The following ZNG1E variants were observed in gnomAD, a reference collection of about 807,000 sequenced individuals.
ZNG1E encodes zinc-regulated GTPase metalloprotein activator 1E.
At chr9:65,702,278 A>G in the ZNG1E span, among the ~76,000 whole-genome samples, 1 of 151,960 alleles carries the variant, frequency 6.6e-6, no homozygotes. Context: ...TGAATTCATG[A>G]TAGAGAATTG....
At chr9:65,709,521 G>C in the ZNG1E span, among the ~76,000 whole-genome samples, 1 of 109,534 alleles carries the variant, frequency 9.1e-6, no homozygotes, top group African/African-American at 4.0e-5. Flanking sequence ...ACCCACAACA[G>C]TCCCCAGAGT....
At chr9:65,658,367 G>A in the ZNG1E span, among the ~76,000 whole-genome samples, 1 of 151,724 alleles carries the variant, frequency 6.6e-6, no homozygotes, top group Non-Finnish European at 1.5e-5. Flanking sequence ...ATAAATTTGA[G>A]CCAATCTCCC....
At chr9:65,659,090 G>A in the ZNG1E span, among the ~76,000 whole-genome samples, 652 of 151,944 alleles carry the variant, frequency 4.3e-3, 2 homozygotes, top group African/African-American at 0.015. Context: ...ATGTGTTTCC[G>A]TGCTCAGAAG....
chr9:65,668,512 CAT>C, the ZNG1E span, among the ~76,000 whole-genome samples: 86 of 149,442 alleles, frequency 5.8e-4, no homozygotes, highest in Middle Eastern at 3.6e-3. Flanking sequence ...CATACACACA[CAT>C]ATATATATAT....
At chr9:65,680,281 G>A in the ZNG1E span, among the ~76,000 whole-genome samples, 1 of 152,256 alleles carries the variant, frequency 6.6e-6, no homozygotes, top group Non-Finnish European at 1.5e-5. Context: ...TGGGAAGCCA[G>A]TTATATTCCA....
At chr9:65,724,702 C>T in the ZNG1E span, among the ~76,000 whole-genome samples, 3 of 86,910 alleles carry the variant, frequency 3.5e-5, no homozygotes, top group Non-Finnish European at 6.9e-5. Context: ...TTGTATTTTG[C>T]GACATTCTCA....
the ZNG1E span, among the ~76,000 whole-genome samples, chr9:65,678,589 A>G: frequency 2.0e-5 from 3 of 146,516 alleles, no homozygotes. Flanking sequence ...GAACTACAAT[A>G]CTATGCAGTT....
At chr9:65,680,552 GA>G in the ZNG1E span, among the ~76,000 whole-genome samples, 5 of 152,080 alleles carry the variant, frequency 3.3e-5, no homozygotes, top group Non-Finnish European at 5.9e-5. Flanking sequence ...AACCTCTTTA[GA>G]AGCTCTTTAT....
the ZNG1E span, among the ~76,000 whole-genome samples, chr9:65,686,434 A>G: frequency 6.6e-6 from 1 of 152,254 alleles, no homozygotes; most frequent in Non-Finnish European, 1.5e-5. Flanking sequence ...CAGGAGTTCA[A>G]GACCAGCCTG....
the ZNG1E span, among the ~76,000 whole-genome samples, chr9:65,660,429 A>G: frequency 2.0e-5 from 3 of 152,058 alleles, no homozygotes; most frequent in East Asian, 3.9e-4. Flanking sequence ...AGAGGATACT[A>G]TAAAGCTCAT....
At chr9:65,693,801 C>G in the ZNG1E span, among the ~76,000 whole-genome samples, 5 of 152,014 alleles carry the variant, frequency 3.3e-5, no homozygotes, top group East Asian at 9.7e-4. Context: ...AAGTGATCCA[C>G]TTGCCTCAGC....
chr9:65,684,435 C>A, the ZNG1E span, among the ~76,000 whole-genome samples: 111 of 152,248 alleles, frequency 7.3e-4, no homozygotes, highest in African/African-American at 2.6e-3. Context: ...ACTCAGGAGG[C>A]TAAGGCATGA....
At chr9:65,681,287 C>G in the ZNG1E span, among the ~76,000 whole-genome samples, 2 of 152,166 alleles carry the variant, frequency 1.3e-5, no homozygotes, top group Admixed American at 1.3e-4. Context: ...GAAAAAAATG[C>G]CTTCATTAAG....
chr9:65,673,638 C>T, the ZNG1E span, among the ~76,000 whole-genome samples: 2 of 152,088 alleles, frequency 1.3e-5, no homozygotes, highest in African/African-American at 4.8e-5. Flanking sequence ...CTGTCTCTAC[C>T]AAAAAGAAAA....
At chr9:65,708,432 C>A in the ZNG1E span, 2 of 209,090 alleles carry the variant, frequency 9.6e-6, no homozygotes, top group African/African-American at 5.2e-5. Context: ...AGATCAGGGT[C>A]CTAGAGTAAC....
chr9:65,699,170 GCC>G, the ZNG1E span, among the ~76,000 whole-genome samples: 1 of 150,064 alleles, frequency 6.7e-6, no homozygotes, highest in East Asian at 2.0e-4. Flanking sequence ...TGATCCACCC[GCC>G]TCGGCCTCCC....
chr9:65,716,664 TA>T, the ZNG1E span, among the ~76,000 whole-genome samples: 40 of 147,188 alleles, frequency 2.7e-4, no homozygotes, highest in African/African-American at 8.4e-4. Context: ...ATGTAGTTTG[TA>T]AAAAAAAAAA....
At chr9:65,665,031 T>G in the ZNG1E span, among the ~76,000 whole-genome samples, 302 of 152,186 alleles carry the variant, frequency 2.0e-3, no homozygotes, top group African/African-American at 6.1e-3. Flanking sequence ...GGTATTCAGT[T>G]TTATAAGGGA....
the ZNG1E span, among the ~76,000 whole-genome samples, chr9:65,657,985 G>A: frequency 1.3e-5 from 2 of 152,236 alleles, no homozygotes; most frequent in Non-Finnish European, 2.9e-5. Context: ...TGTAATCCAA[G>A]CTACTCGGGA....
Sources: allele counts gnomAD v4.1 joint callset (sites outside exome capture counted in the v4.1 genomes callset), GRCh38; gene constraint gnomAD v4.1.1; transcripts MANE v1.5; gene names NCBI Gene and HGNC (gene_info 2026-07-23, HGNC 2026-07-21).